The following KNDC1 variants were observed in gnomAD, a reference collection of about 807,000 sequenced individuals.
KNDC1 encodes kinase non-catalytic C-lobe domain containing 1, also known as kinase non-catalytic C-lobe domain-containing protein 1.
In KNDC1, 106 loss-of-function variants were observed where a neutral mutation model predicts 172.8. That is an observed-to-expected ratio of 0.61 (90% CI 0.52 to 0.72). The LOEUF is 0.72. Ranked by LOEUF, KNDC1 falls within the 30% of genes least tolerant of loss-of-function variation. The probability of loss-of-function intolerance (pLI) is 0.00; values close to 1 mark genes in which losing one functional copy is unlikely to be tolerated. For missense variants in KNDC1, 2,325 were observed against 2,394.5 expected (o/e 0.97, Z 0.61); for synonymous variants, 1,083 against 1,062.2 (o/e 1.02, Z -0.38).
chr10:133,160,405 C>CCTCCATGGAGCCAGGGCGCGT lies in KNDC1; in HGVS notation c.-63_-62insCTCCATGGAGCCAGGGCGCGT. On this transcript the variant is annotated 5_prime_UTR_variant, in exon 1 of 30. In the 5' UTR this introduces an upstream ATG that the reference lacks. Coordinates refer to ENST00000304613, the MANE Select transcript of KNDC1 (RefSeq NM_152643.8). ...CGCGTCTCCATGGAGCCAGGGCGCGCGTAGCCGAGCCCAGCCCAGCCCAGC... is the reference window on the plus strand; with the variant it reads ...CGCGTCTCCATGGAGCCAGGGCGCGCCTCCATGGAGCCAGGGCGCGTGTAGCCGAGCCCAGCCCAGCCCAGC... 9.9e-7 allele frequency: 1 copy of CCTCCATGGAGCCAGGGCGCGT among 1,011,988 alleles called. No homozygotes were observed. Among genetic ancestry groups the CCTCCATGGAGCCAGGGCGCGT allele is most frequent in the Non-Finnish European group, 1.3e-6 (1 of 770,712 alleles). The allele number at this position is 1,011,988 out of a possible 1,614,324, so 62.7% of individuals were successfully genotyped here. A position where few individuals can be genotyped will look rare whatever the true frequency, so the allele number is the denominator to read the frequency against.
rs117500723 is a variant in KNDC1 at position 133,225,900 on chromosome 10, G to A, written c.*1010G>A. The stretch of plus-strand genomic sequence containing the variant: ...CCTTGGCCAGGGCCATGGGAGTCCC[G>A]CGCAGTCAGCTCCACATTGGCCTCT... On this transcript the variant is annotated 3_prime_UTR_variant, in exon 30 of 30. Transcript: ENST00000304613. 3,433 of 152,418 alleles carry A rather than the reference G, an allele frequency of 0.023. 47 individuals carry two copies. The highest frequency in any genetic ancestry group is 0.037 in the Middle Eastern group (11 of 294). The allele number at this position is 152,418 out of a possible 1,614,324, so 9.4% of individuals were successfully genotyped here. A position where few individuals can be genotyped will look rare whatever the true frequency, so the allele number is the denominator to read the frequency against.
chr10:133,182,858 G>C (rs1853757374), intron 3 of KNDC1, among the ~76,000 whole-genome samples: 1 of 150,336 alleles, frequency 6.7e-6, no homozygotes, highest in Non-Finnish European at 1.5e-5. Context: ...AGGTGGTGTG[G>C]GCGTGGGTGG....
At chr10:133,179,771 C>A (rs974601527) in intron 3 of KNDC1, among the ~76,000 whole-genome samples, 2 of 152,184 alleles carry the variant, frequency 1.3e-5, no homozygotes, top group South Asian at 2.1e-4. Context: ...CACAGAGAGG[C>A]CCGGAGCAGG....
Position 133,199,052 on chromosome 10 carries a change from G to T in KNDC1, c.2544G>T (p.Gly848=). The change falls in exon 14 of 30, where the codon GGG becomes GGT. Residue 848 remains glycine, a synonymous_variant. Coordinates refer to ENST00000304613, the MANE Select transcript of KNDC1 (RefSeq NM_152643.8). ...ERPGQEPEGP[G]ATPAGERDDQ... Reference sequence around the variant, plus strand: ...CGGGCCAGGAGCCAGAGGGCCCCGGGGCCACCCCTGCCGGGGAACGTGATG... The same window carrying T: ...CGGGCCAGGAGCCAGAGGGCCCCGGTGCCACCCCTGCCGGGGAACGTGATG... 1.3e-6 allele frequency: 2 copies of T among 1,595,528 alleles called. No individual in the cohort carries two copies. Among genetic ancestry groups the T allele is most frequent in the East Asian group, 4.6e-5 (2 of 43,662 alleles).
intron 21 of KNDC1, 55 bp downstream of exon 21, chr10:133,210,779 G>A (rs1440749853): frequency 2.9e-6 from 4 of 1,398,692 alleles, no homozygotes; most frequent in Admixed American, 1.7e-5. Context: ...GGCAGGGTGG[G>A]CGCCCATGGG....
intron 29 of KNDC1, among the ~76,000 whole-genome samples, chr10:133,221,098 C>T (rs1347571744): frequency 6.6e-6 from 1 of 152,108 alleles, no homozygotes; most frequent in Non-Finnish European, 1.5e-5. Flanking sequence ...TGTTGGGACC[C>T]AGGCACACTT....
At chr10:133,181,363 G>C (rs112117984) in intron 3 of KNDC1, among the ~76,000 whole-genome samples, 1 of 152,248 alleles carries the variant, frequency 6.6e-6, no homozygotes, top group Non-Finnish European at 1.5e-5. Context: ...GATGGCACAG[G>C]AGACCCCAGG....
In KNDC1 at chr10:133,225,734, A is replaced by T. The variant is rs1845706056; in HGVS notation, c.*844A>T. 6.5e-6 allele frequency: 1 copy of T among 153,278 alleles called. No individual in the cohort carries two copies. The highest frequency in any genetic ancestry group is 1.5e-5 in the Non-Finnish European group (1 of 68,880). The allele number at this position is 153,278 out of a possible 1,614,324, so 9.5% of individuals were successfully genotyped here. A position where few individuals can be genotyped will look rare whatever the true frequency, so the allele number is the denominator to read the frequency against. On this transcript the variant is annotated 3_prime_UTR_variant, in exon 30 of 30. Transcript: ENST00000304613. Reference sequence around the variant, plus strand: ...GGGACCGCCACTGCCCACCGCCTCCAGCAGCCATGCATGTGCGCCCGCAGC... The same window carrying T: ...GGGACCGCCACTGCCCACCGCCTCCTGCAGCCATGCATGTGCGCCCGCAGC...
intron 9 of KNDC1, among the ~76,000 whole-genome samples, chr10:133,191,706 A>G (rs956879189): frequency 5.9e-4 from 90 of 152,220 alleles, no homozygotes; most frequent in Non-Finnish European, 9.1e-4. Flanking sequence ...TCTCAAAAAA[A>G]TAAGTAAAAC....
rs144265830 is a variant in KNDC1, at chr10:133,188,373, G to A, written c.1327-166G>A. Among the ~76,000 whole-genome samples the A allele has an allele frequency of 4.9e-4, 75 of 152,206 alleles. No homozygotes were observed. The East Asian group carries it at 0.013, about 26-fold the overall frequency. On this transcript the variant is annotated intron_variant, in intron 6 of 29. Transcript: ENST00000304613. ...CCCAGTCTCCCCACGGCCCCCACACGCTGGAGTTGACTTAGGGACCTCCCT... is the reference window on the plus strand; with the variant it reads ...CCCAGTCTCCCCACGGCCCCCACACACTGGAGTTGACTTAGGGACCTCCCT...
At chr10:133,168,855 G>A (rs910362896) in intron 3 of KNDC1, among the ~76,000 whole-genome samples, 5 of 151,670 alleles carry the variant, frequency 3.3e-5, no homozygotes, top group Non-Finnish European at 5.9e-5. Context: ...TCCCAGAGCA[G>A]ACTCCAGTGC....
rs1853917478 is a variant in KNDC1, at chr10:133,186,374, G to A, written c.1026G>A (p.Arg342=). 2 of 1,612,774 alleles carry A rather than the reference G, an allele frequency of 1.2e-6. No individual in the cohort carries two copies. Among genetic ancestry groups the A allele is most frequent in the South Asian group, 1.1e-5 (1 of 91,084 alleles). The part of the protein sequence containing the change: ...PISELFSPDP[R]KAFLDRKNGL... ...CGGAATTATTCTCTCCGGACCCCAG[G>A]AAGGCCTTTCTGGACAGGAAAAATG... is the stretch of plus-strand genomic sequence containing the variant. Residue 342 remains arginine, a synonymous_variant, in exon 6 of 30, where the codon AGG becomes AGA. Transcript: ENST00000304613.
chr10:133,211,559 TCTC>T lies in KNDC1; in HGVS notation c.4051_4053del (p.Ser1351del), dbSNP rs1376032227. The T allele has an allele frequency of 1.2e-6, 2 of 1,613,536 alleles. No individual in the cohort carries two copies. The highest frequency in any genetic ancestry group is 3.3e-5 in the Admixed American group (2 of 59,944). ...CTGCTGGGGAAGCTAGAGGACTTCA[TCTC>T]CTCCAAGGTGACAGTGGCGCTGAGC... On this transcript the variant is annotated inframe_deletion, in exon 22 of 30. Coordinates refer to ENST00000304613, the MANE Select transcript of KNDC1 (RefSeq NM_152643.8).
chr10:133,177,166 T>C (rs1234444925), intron 3 of KNDC1, among the ~76,000 whole-genome samples: 3 of 122,898 alleles, frequency 2.4e-5, no homozygotes, highest in Non-Finnish European at 3.8e-5. Context: ...TCTGTGCACA[T>C]GTATACAGTA....
intron 3 of KNDC1, among the ~76,000 whole-genome samples, chr10:133,180,005 G>C (rs565181088): frequency 2.0e-5 from 3 of 152,190 alleles, no homozygotes; most frequent in Non-Finnish European, 4.4e-5. Flanking sequence ...ACGCCTGCCC[G>C]TGGTCCAGCC....
At chr10:133,210,786 T>G in intron 21 of KNDC1, 62 bp downstream of exon 21, 1 of 1,354,388 alleles carries the variant, frequency 7.4e-7, no homozygotes, top group Non-Finnish European at 1.1e-6. Context: ...TGGGCGCCCA[T>G]GGGCCTGGTT....
In KNDC1 at chr10:133,198,791, T is replaced by G. The variant is rs1390683717; in HGVS notation, c.2283T>G (p.Pro761=). The G allele has an allele frequency of 1.3e-6, 2 of 1,588,842 alleles. No individual in the cohort carries two copies. Among genetic ancestry groups the G allele is most frequent in the Non-Finnish European group, 1.7e-6 (2 of 1,168,018 alleles). Residue 761 remains proline, a synonymous_variant, in exon 14 of 30, where the codon CCT becomes CCG. Coordinates refer to ENST00000304613, the MANE Select transcript of KNDC1 (RefSeq NM_152643.8). ...ACTCAGCCCAGGGCCGCCCCTGCCC[T>G]CCACCCCAGGCCCCAGCAAACCAGC... ...QRDSAQGRPC[P]PPQAPANQPE... is the part of the protein sequence containing the mutation.
chr10:133,217,702 T>C (rs1469096575), intron 26 of KNDC1, among the ~76,000 whole-genome samples: 1 of 152,086 alleles, frequency 6.6e-6, no homozygotes, highest in Non-Finnish European at 1.5e-5. Flanking sequence ...ATCACGGCTG[T>C]GATCCCAGCA....
intron 3 of KNDC1, among the ~76,000 whole-genome samples, chr10:133,181,666 C>T (rs930686759): frequency 3.3e-5 from 5 of 152,082 alleles, no homozygotes; most frequent in African/African-American, 1.2e-4. Flanking sequence ...GAAGGTCAGC[C>T]GGGGTTCCTG....
Sources: gnomAD v4.1 joint callset for allele counts (sites outside exome capture counted in the v4.1 genomes callset) on GRCh38, gnomAD v4.1.1 for gene constraint, MANE v1.5 for transcripts, NCBI Gene and HGNC (gene_info 2026-07-23, HGNC 2026-07-21) for gene names.